Variants in EPHB1 observed in about 807,000 individuals in gnomAD.
The protein encoded by EPHB1 is EPH receptor B1.
Under a neutral mutation model 94.4 loss-of-function variants are expected in EPHB1, and 30 were observed. The observed-to-expected ratio is 0.32, with a 90% CI of 0.24 to 0.43. EPHB1 has a LOEUF of 0.43. Ranked by LOEUF, EPHB1 falls within the 20% of genes least tolerant of loss-of-function variation. The pLI is 1.00. For synonymous variants in EPHB1, 522 were observed against 489.1 expected (o/e 1.07, Z -0.89); for missense variants, 1,055 against 1,308.3 (o/e 0.81, Z 2.99).
At chr3:134,891,992 G>C (rs2037993712) in intron 1 of EPHB1, among the ~76,000 whole-genome samples, 1 of 152,224 alleles carries the variant, frequency 6.6e-6, no homozygotes, top group Non-Finnish European at 1.5e-5. Flanking sequence ...CCAGGCTTCT[G>C]TTCTTATAAG....
At chr3:134,815,784 A>G (rs989791719) in intron 1 of EPHB1, among the ~76,000 whole-genome samples, 1 of 152,144 alleles carries the variant, frequency 6.6e-6, no homozygotes. Flanking sequence ...ATCAGTTTTG[A>G]CCTGGGGACA....
At chr3:135,147,729 CCT>C (rs1468507262) in intron 5 of EPHB1, among the ~76,000 whole-genome samples, 1 of 152,204 alleles carries the variant, frequency 6.6e-6, no homozygotes, top group Non-Finnish European at 1.5e-5. Flanking sequence ...TGTGAAAGTA[CCT>C]CTCACTGGAA....
intron 4 of EPHB1, among the ~76,000 whole-genome samples, chr3:135,115,116 T>A (rs1312154729): frequency 6.6e-6 from 1 of 152,200 alleles, no homozygotes; most frequent in East Asian, 1.9e-4. Context: ...ACTGATTTAC[T>A]TGTGAAGTTC....
intron 4 of EPHB1, among the ~76,000 whole-genome samples, chr3:135,129,313 G>A (rs1940334022): frequency 6.6e-6 from 1 of 152,040 alleles, no homozygotes; most frequent in Admixed American, 6.6e-5. Flanking sequence ...CTGTCAGGGA[G>A]GCCACTAGAT....
chr3:135,237,189 G>A (rs905953306), intron 12 of EPHB1, among the ~76,000 whole-genome samples: 2 of 151,986 alleles, frequency 1.3e-5, no homozygotes, highest in Non-Finnish European at 2.9e-5. Flanking sequence ...CTGCTGGCAG[G>A]TGTGGATGTG....
At chr3:134,870,683 G>A (rs908031792) in intron 1 of EPHB1, among the ~76,000 whole-genome samples, 1 of 152,236 alleles carries the variant, frequency 6.6e-6, no homozygotes, top group Non-Finnish European at 1.5e-5. Flanking sequence ...GAAAACCCCA[G>A]CCACAGGCTG....
At chr3:134,891,315 G>C (rs950686195) in intron 1 of EPHB1, among the ~76,000 whole-genome samples, 5 of 152,074 alleles carry the variant, frequency 3.3e-5, no homozygotes, top group Non-Finnish European at 5.9e-5. Context: ...TCACTATGTT[G>C]CCCAGTCTCG....
rs1559770507 is a variant in EPHB1 at position 134,955,103 on chromosome 3, T to TTTTTTA, written c.805+3051_805+3052insTTTTTA. On this transcript the variant is annotated intron_variant, in intron 3 of 15. Coordinates refer to ENST00000398015, the MANE Select transcript of EPHB1 (RefSeq NM_004441.5). ...TTTTTTTTTTTTTTTTTTTTTTTTT[T>TTTTTTA]AATTTTTTTTTTTTTAATTATACTC... is the stretch of plus-strand genomic sequence containing the variant. Among the ~76,000 whole-genome samples the TTTTTTA allele has an allele frequency of 7.6e-4, 34 of 44,508 alleles. 3 individuals carry two copies. The highest frequency in any genetic ancestry group is 9.8e-4 in the Non-Finnish European group (24 of 24,382). 29.2% of individuals were successfully genotyped at this position (44,508 alleles called of 152,430 possible). A position where few individuals can be genotyped will look rare whatever the true frequency, so the allele number is the denominator to read the frequency against.
intron 3 of EPHB1, among the ~76,000 whole-genome samples, chr3:135,083,028 C>A (rs904205644): frequency 6.6e-6 from 1 of 152,154 alleles, no homozygotes; most frequent in Non-Finnish European, 1.5e-5. Context: ...ACTCCTCAGG[C>A]AGCCAGGCAG....
chr3:135,097,857 T>A (rs1384199143), intron 3 of EPHB1, among the ~76,000 whole-genome samples: 1 of 152,212 alleles, frequency 6.6e-6, no homozygotes, highest in Non-Finnish European at 1.5e-5. Context: ...ATGGCCCACA[T>A]AGATGCTTCG....
intron 1 of EPHB1, among the ~76,000 whole-genome samples, chr3:134,845,737 G>T (rs2036860467): frequency 6.6e-6 from 1 of 152,152 alleles, no homozygotes; most frequent in Non-Finnish European, 1.5e-5. Context: ...TCTCTAGGAG[G>T]TATAATTTTA....
intron 1 of EPHB1, among the ~76,000 whole-genome samples, chr3:134,882,783 T>TTTCTTTCTTTCTTTCTTTCTTTC: frequency 1.6e-5 from 1 of 63,848 alleles, no homozygotes; most frequent in African/African-American, 5.0e-5. Context: ...TCTTTCTTTC[T>TTTCTTTCTTTCTTTCTTTCTTTC]TTCTTTCTTT....
At chr3:134,850,837 A>T (rs1253151300) in intron 1 of EPHB1, among the ~76,000 whole-genome samples, 2 of 152,218 alleles carry the variant, frequency 1.3e-5, no homozygotes, top group African/African-American at 2.4e-5. Context: ...GGAGGTGCAG[A>T]CAGTGTCCCC....
chr3:134,812,181 C>T lies in EPHB1; in HGVS notation c.58+16492C>T, dbSNP rs144540369. 4.9e-4 allele frequency among the ~76,000 whole-genome samples: 74 copies of T among 152,276 alleles called. 1 individual carries two copies. Among genetic ancestry groups the T allele is most frequent in the African/African-American group, 1.8e-3 (73 of 41,556 alleles). On this transcript the variant is annotated intron_variant, in intron 1 of 15. Transcript: ENST00000398015. ...ATAATAGGTTTTAGATGTACAATTC[C>T]GTGAGGTTTCACAAATGAGTGTGGT...
At chr3:135,234,346 C>T (rs1325152117) in intron 12 of EPHB1, among the ~76,000 whole-genome samples, 1 of 152,018 alleles carries the variant, frequency 6.6e-6, no homozygotes, top group Non-Finnish European at 1.5e-5. Context: ...CATCTGAGAC[C>T]ACCTTAGCCT....
At chr3:134,944,557 C>G (rs1254829064) in intron 2 of EPHB1, among the ~76,000 whole-genome samples, 2 of 152,154 alleles carry the variant, frequency 1.3e-5, no homozygotes, top group African/African-American at 2.4e-5. Context: ...TCCCCTATAC[C>G]ACTGGTTGGT....
chr3:134,903,817 T>A (rs1312694371), intron 1 of EPHB1, among the ~76,000 whole-genome samples: 1 of 152,218 alleles, frequency 6.6e-6, no homozygotes, highest in Non-Finnish European at 1.5e-5. Context: ...TAAAGCTGGT[T>A]ATTATTCCAT....
intron 3 of EPHB1, among the ~76,000 whole-genome samples, chr3:135,030,840 G>T (rs1386574630): frequency 2.0e-5 from 3 of 152,192 alleles, no homozygotes; most frequent in Non-Finnish European, 4.4e-5. Context: ...CCGCCTTGCA[G>T]TTTGATCTCA....
intron 1 of EPHB1, among the ~76,000 whole-genome samples, chr3:134,845,266 T>G (rs2036851993): frequency 6.6e-6 from 1 of 152,214 alleles, no homozygotes; most frequent in Admixed American, 6.5e-5. Flanking sequence ...ATGGAGTAGT[T>G]TTTTTGTAAC....
Sources: allele counts gnomAD v4.1 joint callset (sites outside exome capture counted in the v4.1 genomes callset), GRCh38; gene constraint gnomAD v4.1.1; transcripts MANE v1.5; gene names NCBI Gene and HGNC (gene_info 2026-07-23, HGNC 2026-07-21).